ABLIM2: variants seen among roughly 807,000 people sequenced by gnomAD.
The protein encoded by ABLIM2 is actin-binding LIM protein 2.
A neutral mutation model predicts 97.7 loss-of-function variants in ABLIM2; 53 were observed. The observed-to-expected ratio is 0.54, with a 90% CI of 0.44 to 0.68. The LOEUF is 0.68. ABLIM2 is among the 30% of genes least tolerant of loss of function. The probability of loss-of-function intolerance (pLI) is 0.00; values close to 1 mark genes in which losing one functional copy is unlikely to be tolerated. For missense variants in ABLIM2, 835 were observed against 867.2 expected, an observed-to-expected ratio of 0.96 and a Z score of 0.47; for synonymous variants, 361 against 345.8, an observed-to-expected ratio of 1.04 and a Z score of -0.49.
At chr4:8,094,610 G>C (rs888244642) in intron 3 of ABLIM2, among the ~76,000 whole-genome samples, 11 of 152,340 alleles carry the variant, frequency 7.2e-5, no homozygotes, top group African/African-American at 2.4e-4. Context: ...TAACATAACT[G>C]ATTAGGTCAG....
In ABLIM2 at chr4:8,147,428, T is replaced by C. The variant is rs563385436; in HGVS notation, c.10+11252A>G. On this transcript the variant is annotated intron_variant, in intron 1 of 20. Coordinates refer to ENST00000447017, the MANE Select transcript of ABLIM2 (RefSeq NM_001130083.2). The surrounding 1 kb of genome is among the most constrained non-coding windows in gnomAD (Gnocchi z 5.3). ...CATCTAATCGCTAAAACCTGTGACA[T>C]ATATGGTTAAAAGGGGAGGGGTCTT... 1.1e-4 allele frequency among the ~76,000 whole-genome samples: 17 copies of C among 152,164 alleles called. No individual in the cohort carries two copies. The South Asian group carries it at 3.5e-3, about 32-fold the overall frequency.
At chr4:8,037,630 T>C (rs1033025404) in intron 9 of ABLIM2, among the ~76,000 whole-genome samples, 1 of 151,862 alleles carries the variant, frequency 6.6e-6, no homozygotes, top group Non-Finnish European at 1.5e-5. Context: ...TGCCCACACA[T>C]ACTTGCACAC....
At chr4:8,109,303 C>T (rs959993603) in intron 1 of ABLIM2, among the ~76,000 whole-genome samples, 4 of 152,144 alleles carry the variant, frequency 2.6e-5, no homozygotes, top group African/African-American at 4.8e-5. Flanking sequence ...ACAGGTGGGC[C>T]GAGGGATGTG....
intron 6 of ABLIM2, among the ~76,000 whole-genome samples, chr4:8,070,708 T>A (rs964937553): frequency 6.6e-6 from 1 of 151,978 alleles, no homozygotes; most frequent in African/African-American, 2.4e-5. Flanking sequence ...GAACCCAGCA[T>A]CTAGCCCAGG....
intron 1 of ABLIM2, among the ~76,000 whole-genome samples, chr4:8,126,164 G>C (rs375148796): frequency 6.6e-6 from 1 of 152,174 alleles, no homozygotes; most frequent in African/African-American, 2.4e-5. Context: ...GGCGCTGAGG[G>C]GGGGCTATGG....
intron 1 of ABLIM2, among the ~76,000 whole-genome samples, chr4:8,152,170 C>G (rs55811731): frequency 5.9e-5 from 9 of 152,328 alleles, no homozygotes; most frequent in African/African-American, 2.2e-4. Context: ...CACACCAACA[C>G]TCAGCCACGC....
intron 4 of ABLIM2, 108 bp downstream of exon 4, chr4:8,088,061 C>T (rs1824940644): frequency 1.7e-6 from 1 of 582,734 alleles, no homozygotes; most frequent in Non-Finnish European, 2.6e-6. Flanking sequence ...CAGCACCTCC[C>T]ACTCAGTACG....
intron 14 of ABLIM2, among the ~76,000 whole-genome samples, chr4:8,010,983 CA>C (rs1400803088): frequency 9.9e-5 from 15 of 152,178 alleles, no homozygotes; most frequent in Non-Finnish European, 1.9e-4. Flanking sequence ...AGTTGGCTGG[CA>C]AAAATAAGTG....
Position 8,079,903 on chromosome 4 carries a change from C to T in ABLIM2, c.581+773G>A, listed in dbSNP as rs1032428048. Among the ~76,000 whole-genome samples, 86 of 152,342 alleles carry T rather than the reference C, an allele frequency of 5.6e-4. 1 individual carries two copies. Among genetic ancestry groups the T allele is most frequent in the Non-Finnish European group, 8.4e-4 (57 of 68,030 alleles). On this transcript the variant is annotated intron_variant, in intron 5 of 20. Coordinates refer to ENST00000447017, the MANE Select transcript of ABLIM2 (RefSeq NM_001130083.2). ...TAGATAAAAGTGGCCAGAAGACCCT[C>T]TAGCTCCCAGGAAGGGGCCCTCTGC...
At position 8,043,898 on chromosome 4, in the gene ABLIM2, C is replaced by T. The variant is rs552205121; in HGVS notation, c.900+1266G>A. On this transcript the variant is annotated intron_variant, in intron 9 of 20. Transcript: ENST00000447017. This position sits in a 1 kb window ranked among gnomAD's most constrained non-coding sequence, Gnocchi z 4.8. ...ATTACTGAGGGGCTCCCAGAGGCTC[C>T]AGGCGGGCGGCACCTCGCCCAGGGC... Among the ~76,000 whole-genome samples the T allele has an allele frequency of 6.6e-6, 1 of 151,814 alleles. No individual in the cohort carries two copies. The highest frequency in any genetic ancestry group is 2.1e-4 in the South Asian group (1 of 4,810).
chr4:8,065,750 G>A (rs931417672), intron 6 of ABLIM2, among the ~76,000 whole-genome samples: 13 of 151,720 alleles, frequency 8.6e-5, no homozygotes, highest in Non-Finnish European at 1.9e-4. Flanking sequence ...ATGGTGAAAC[G>A]CCATCTCTAC....
At chr4:8,144,010 C>T (rs534264351) in intron 1 of ABLIM2, among the ~76,000 whole-genome samples, 16 of 152,328 alleles carry the variant, frequency 1.1e-4, no homozygotes, top group African/African-American at 3.8e-4. Context: ...CACCAGCCCC[C>T]ACCCTGAAAG....
chr4:8,020,089 G>T (rs562105934), intron 13 of ABLIM2, 113 bp downstream of exon 13: 3 of 921,168 alleles, frequency 3.3e-6, no homozygotes, highest in East Asian at 5.2e-5. Context: ...GGAGGAGCCT[G>T]GAGTGTCGTC....
Position 8,002,921 on chromosome 4 carries a change from G to C in ABLIM2, c.1618+5138C>G, listed in dbSNP as rs183930405. On this transcript the variant is annotated intron_variant, in intron 16 of 20. Coordinates refer to ENST00000447017, the MANE Select transcript of ABLIM2 (RefSeq NM_001130083.2). This position sits in a 1 kb window ranked among gnomAD's most constrained non-coding sequence, Gnocchi z 6.1. ...TCTGCACTGACTACTTACTGTATTT[G>C]AAAGTGCACCCTTCCCCCAGCCCTC... 3.4e-4 allele frequency among the ~76,000 whole-genome samples: 52 copies of C among 152,272 alleles called. No homozygotes were observed. Among genetic ancestry groups the C allele is most frequent in the Admixed American group, 8.5e-4 (13 of 15,288 alleles).
chr4:8,137,140 G>A (rs1018297709), intron 1 of ABLIM2, among the ~76,000 whole-genome samples: 1 of 152,164 alleles, frequency 6.6e-6, no homozygotes, highest in Non-Finnish European at 1.5e-5. Flanking sequence ...TTTGTAAGCC[G>A]CCCAGGCTGT....
Position 7,987,554 on chromosome 4 carries a change from T to A in ABLIM2, c.1681-2661A>T, listed in dbSNP as rs1387428836. ...TGTCTTTGCCACCTGGCATGTCTGA[T>A]GTGAAAGAGAAATGCTGCCCCCTAG... is the stretch of plus-strand genomic sequence containing the variant. On this transcript the variant is annotated intron_variant, in intron 17 of 20. Coordinates refer to ENST00000447017, the MANE Select transcript of ABLIM2 (RefSeq NM_001130083.2). Among the ~76,000 whole-genome samples the A allele has an allele frequency of 1.3e-5, 2 of 152,332 alleles. 1 individual carries two copies. Among genetic ancestry groups the A allele is most frequent in the Middle Eastern group, 6.8e-3 (2 of 294 alleles).
intron 1 of ABLIM2, 51 bp downstream of exon 1, chr4:8,158,629 C>G: frequency 6.6e-7 from 1 of 1,504,192 alleles, no homozygotes; most frequent in Non-Finnish European, 8.8e-7. Flanking sequence ...GCCCTTGCGG[C>G]GCCGCGAGCC....
chr4:8,103,600 T>A (rs549237798), intron 2 of ABLIM2, among the ~76,000 whole-genome samples: 2 of 152,218 alleles, frequency 1.3e-5, no homozygotes, highest in South Asian at 4.1e-4. Context: ...CCATGGTCAC[T>A]AATCATCTTG....
intron 20 of ABLIM2, among the ~76,000 whole-genome samples, chr4:7,977,113 G>A (rs1016782641): frequency 1.3e-5 from 2 of 152,108 alleles, no homozygotes; most frequent in Non-Finnish European, 2.9e-5. Context: ...TGCTGTTCTC[G>A]TGATAGAGAG....
Sources: allele counts gnomAD v4.1 joint callset (sites outside exome capture counted in the v4.1 genomes callset), GRCh38; gene constraint gnomAD v4.1.1; non-coding constraint Gnocchi (gnomAD v3.1); transcripts MANE v1.5; gene names NCBI Gene and HGNC (gene_info 2026-07-23, HGNC 2026-07-21).